LRFN2: variants seen among roughly 807,000 people sequenced by gnomAD.
The protein encoded by LRFN2 is leucine rich repeat and fibronectin type III domain containing 2, also known as leucine-rich repeat and fibronectin type-III domain-containing protein 2.
A neutral mutation model predicts 37.3 loss-of-function variants in LRFN2; 18 were observed. That is an observed-to-expected ratio of 0.48 (90% confidence interval 0.33 to 0.72). The LOEUF (loss-of-function observed/expected upper bound fraction) is 0.72, where lower values mean the gene tolerates loss of function less well. Ranked by LOEUF, LRFN2 falls within the 30% of genes least tolerant of loss-of-function variation. The pLI is 0.02. For synonymous variants in LRFN2, 556 were observed against 466.6 expected (o/e 1.19, Z -2.47); for missense variants, 1,006 against 1,060.7 (o/e 0.95, Z 0.72).
At chr6:40,484,616 A>G (rs1325820505) in intron 1 of LRFN2, among the ~76,000 whole-genome samples, 1 of 152,294 alleles carries the variant, frequency 6.6e-6, no homozygotes, top group African/African-American at 2.4e-5. Flanking sequence ...CTCTGGAGCC[A>G]CACATGCTCC....
At chr6:40,566,238 T>G (rs201923878) in intron 1 of LRFN2, among the ~76,000 whole-genome samples, 77,246 of 151,912 alleles carry the variant, frequency 0.51, 19,979 homozygotes, top group Middle Eastern at 0.61. Context: ...GGAAACAAAG[T>G]TGCTGGAGAG....
intron 1 of LRFN2, among the ~76,000 whole-genome samples, chr6:40,484,485 G>A (rs1764907027): frequency 6.6e-6 from 1 of 152,096 alleles, no homozygotes; most frequent in Non-Finnish European, 1.5e-5. Context: ...ATCACCCAGG[G>A]GACCCCAGAG....
chr6:40,404,572 T>C (rs1433716), intron 2 of LRFN2, among the ~76,000 whole-genome samples: 9,841 of 152,284 alleles, frequency 0.065, 1,004 homozygotes, highest in African/African-American at 0.22. Context: ...GATTGGACAG[T>C]GCCACTGTGT....
intron 1 of LRFN2, among the ~76,000 whole-genome samples, chr6:40,515,887 C>T (rs1204436373): frequency 2.9e-5 from 3 of 102,128 alleles, no homozygotes; most frequent in African/African-American, 4.5e-5. Flanking sequence ...AGTGAGACTC[C>T]ATATCAAAAA....
At chr6:40,476,168 C>G (rs1234129665) in intron 1 of LRFN2, among the ~76,000 whole-genome samples, 1 of 152,116 alleles carries the variant, frequency 6.6e-6, no homozygotes. Flanking sequence ...CTTCCATGCC[C>G]CATCCACACT....
At chr6:40,471,631 C>T (rs1472738912) in intron 1 of LRFN2, among the ~76,000 whole-genome samples, 3 of 152,216 alleles carry the variant, frequency 2.0e-5, no homozygotes, top group Admixed American at 1.3e-4. Flanking sequence ...ATGACAATGG[C>T]AGTGCTGCCT....
Position 40,392,561 on chromosome 6 carries a change from T to C in LRFN2, c.1752A>G (p.Pro584=), listed in dbSNP as rs1186073663. The C allele has an allele frequency of 1.2e-6, 2 of 1,600,660 alleles. No homozygotes were observed. The highest frequency in any genetic ancestry group is 1.3e-5 in the African/African-American group (1 of 74,876). The change falls in exon 3 of 3, where the codon CCA becomes CCG. Residue 584 remains proline, a synonymous_variant. Coordinates refer to ENST00000338305, the MANE Select transcript of LRFN2 (RefSeq NM_020737.3). The surrounding 1 kb of genome is among the most constrained non-coding windows in gnomAD (Gnocchi z 4.7). ...CGGCTGGTGCGCTGCTTGGAGGCGG[T>C]GGCTGGGCGCCGTTGGTCTGCGAGT... ...NVYSQTNGAQ[P]PPPSSAPAGA...
At chr6:40,582,337 T>A (rs1767419270) in intron 1 of LRFN2, among the ~76,000 whole-genome samples, 1 of 151,566 alleles carries the variant, frequency 6.6e-6, no homozygotes, top group Non-Finnish European at 1.5e-5. Context: ...TGCAGTGAAA[T>A]CTAAAGAGCC....
At chr6:40,573,349 C>G (rs1767219767) in intron 1 of LRFN2, among the ~76,000 whole-genome samples, 1 of 152,238 alleles carries the variant, frequency 6.6e-6, no homozygotes, top group Non-Finnish European at 1.5e-5. Flanking sequence ...GCCAGATGGC[C>G]TGGGTGCCAG....
intron 1 of LRFN2, among the ~76,000 whole-genome samples, chr6:40,533,374 A>AAC (rs58462773): frequency 0.37 from 52,212 of 142,796 alleles, 9,317 homozygotes; most frequent in Middle Eastern, 0.45. Context: ...TCTTGCTCAA[A>AAC]ACACACACAC....
chr6:40,453,156 G>A (rs1288703642), intron 1 of LRFN2, among the ~76,000 whole-genome samples: 1 of 152,086 alleles, frequency 6.6e-6, no homozygotes, highest in Non-Finnish European at 1.5e-5. Flanking sequence ...GAAACATAAA[G>A]TCTTTTCCTG....
At chr6:40,543,132 T>C (rs1766588295) in intron 1 of LRFN2, among the ~76,000 whole-genome samples, 2 of 152,240 alleles carry the variant, frequency 1.3e-5, no homozygotes, top group African/African-American at 4.8e-5. Flanking sequence ...CCTTCAGACA[T>C]GATCAGGCAC....
At chr6:40,421,912 T>G (rs1763237478) in intron 2 of LRFN2, among the ~76,000 whole-genome samples, 1 of 152,224 alleles carries the variant, frequency 6.6e-6, no homozygotes, top group African/African-American at 2.4e-5. Flanking sequence ...CTTTGTCATC[T>G]CTTTCCAATG....
At chr6:40,524,986 G>T (rs781351957) in intron 1 of LRFN2, among the ~76,000 whole-genome samples, 1 of 152,236 alleles carries the variant, frequency 6.6e-6, no homozygotes, top group Non-Finnish European at 1.5e-5. Flanking sequence ...TGGCACTGAA[G>T]CTACATTGCT....
intron 1 of LRFN2, among the ~76,000 whole-genome samples, chr6:40,517,770 G>T (rs897975896): frequency 2.0e-5 from 3 of 152,178 alleles, no homozygotes; most frequent in African/African-American, 7.2e-5. Context: ...ACACACACTT[G>T]ATGGCATAGT....
chr6:40,423,166 C>A (rs73732616), intron 2 of LRFN2, among the ~76,000 whole-genome samples: 2,085 of 152,308 alleles, frequency 0.014, 49 homozygotes, highest in African/African-American at 0.048. Context: ...TCAAACTCCA[C>A]CATCAGGGAT....
chr6:40,571,601 A>G (rs911372132), intron 1 of LRFN2, among the ~76,000 whole-genome samples: 6 of 152,196 alleles, frequency 3.9e-5, no homozygotes, highest in African/African-American at 1.4e-4. Flanking sequence ...GGTGTTTTAA[A>G]TAGCCCAGGT....
intron 1 of LRFN2, among the ~76,000 whole-genome samples, chr6:40,531,636 T>A (rs1290301781): frequency 6.6e-6 from 1 of 152,162 alleles, no homozygotes; most frequent in Non-Finnish European, 1.5e-5. Context: ...CATTTGTGGC[T>A]GTCTTATCTG....
chr6:40,436,733 G>A (rs978472780), intron 1 of LRFN2, among the ~76,000 whole-genome samples: 2 of 152,180 alleles, frequency 1.3e-5, no homozygotes, highest in African/African-American at 2.4e-5. Flanking sequence ...TGTGCTCAAA[G>A]GTGTTCTGGC....
Sources: gnomAD v4.1 joint callset for allele counts (sites outside exome capture counted in the v4.1 genomes callset) on GRCh38, gnomAD v4.1.1 for gene constraint, Gnocchi (gnomAD v3.1) non-coding constraint, MANE v1.5 for transcripts, NCBI Gene and HGNC (gene_info 2026-07-23, HGNC 2026-07-21) for gene names.